Variants in STAC observed in about 807,000 individuals in gnomAD.
The protein encoded by STAC is SH3 and cysteine-rich domain-containing protein.
A neutral mutation model predicts 48.8 loss-of-function variants in STAC; 43 were observed. The ratio of observed to expected loss-of-function variants is 0.88; its 90% CI spans 0.69 to 1.14. The LOEUF (loss-of-function observed/expected upper bound fraction) is 1.14. Ranked by LOEUF, STAC falls within the 50% of genes most tolerant of loss-of-function variation. STAC has a pLI of 0.00. For synonymous variants in STAC, 193 were observed against 179.5 expected (o/e 1.07, Z -0.60); for missense variants, 497 against 504.0 (o/e 0.99, Z 0.13).
intron 1 of STAC, among the ~76,000 whole-genome samples, chr3:36,387,504 C>T (rs983262960): frequency 3.3e-5 from 5 of 152,078 alleles, no homozygotes; most frequent in Non-Finnish European, 7.4e-5. Context: ...CTTCTTTCCC[C>T]AGTCTCTGGC....
intron 1 of STAC, among the ~76,000 whole-genome samples, chr3:36,414,560 C>G (rs1050480508): frequency 3.3e-5 from 5 of 152,130 alleles, no homozygotes; most frequent in Non-Finnish European, 5.9e-5. Context: ...ATTGGTTATT[C>G]TAGTTAGCCA....
Position 36,380,611 on chromosome 3 carries a change from C to T in STAC, c.-33C>T, listed in dbSNP as rs554616981. The T allele has an allele frequency of 2.0e-6, 3 of 1,512,598 alleles. No homozygotes were observed. The highest frequency in any genetic ancestry group is 1.4e-5 in the African/African-American group (1 of 72,440). 93.7% of individuals were successfully genotyped at this position (1,512,598 alleles called of 1,614,324 possible). A position where few individuals can be genotyped will look rare whatever the true frequency, so the allele number is the denominator to read the frequency against. The stretch of plus-strand genomic sequence containing the variant: ...GCAGGACAGAAGCCTCGCTGTTCCT[C>T]CGGGAGCCCAACACCGTTCCCGCGC... On this transcript the variant is annotated 5_prime_UTR_variant, in exon 1 of 11. Transcript: ENST00000273183.
intron 1 of STAC, among the ~76,000 whole-genome samples, chr3:36,398,597 GAAGA>G (rs748719249): frequency 0.013 from 1,035 of 79,536 alleles, 85 homozygotes; most frequent in African/African-American, 0.063. Flanking sequence ...AGGAAGGAAG[GAAGA>G]AAGGAAGGAG....
intron 2 of STAC, among the ~76,000 whole-genome samples, chr3:36,473,208 T>A (rs1291288048): frequency 6.6e-6 from 1 of 152,120 alleles, no homozygotes; most frequent in Non-Finnish European, 1.5e-5. Context: ...AAAGACCGGC[T>A]GCATGATTCA....
intron 6 of STAC, among the ~76,000 whole-genome samples, chr3:36,500,996 G>A (rs1452847368): frequency 1.3e-5 from 2 of 152,108 alleles, no homozygotes; most frequent in African/African-American, 2.4e-5. Flanking sequence ...GGAAGCTTAG[G>A]GGGAAGGATC....
chr3:36,431,660 C>T (rs1700707861), intron 1 of STAC, among the ~76,000 whole-genome samples: 1 of 152,176 alleles, frequency 6.6e-6, no homozygotes, highest in Admixed American at 6.5e-5. Flanking sequence ...ACTAAATTTA[C>T]TGAAGAATTT....
chr3:36,468,713 A>T (rs909014052), intron 2 of STAC, among the ~76,000 whole-genome samples: 10 of 147,106 alleles, frequency 6.8e-5, no homozygotes, highest in Admixed American at 6.8e-5. Flanking sequence ...TATATATATA[A>T]AATACATATA....
chr3:36,502,161 G>T (rs1698296154), intron 6 of STAC, among the ~76,000 whole-genome samples: 2 of 152,054 alleles, frequency 1.3e-5, no homozygotes, highest in South Asian at 4.2e-4. Context: ...TGGGGATGTG[G>T]TAAGAACTAA....
chr3:36,454,561 T>C (rs879419983), intron 2 of STAC, among the ~76,000 whole-genome samples: 1 of 152,168 alleles, frequency 6.6e-6, no homozygotes, highest in Non-Finnish European at 1.5e-5. Context: ...ACATATATGC[T>C]AATCTTAGAA....
rs1353525714 is a variant in STAC, at chr3:36,536,050, C to T, written c.1110+7065C>T. 2.0e-5 allele frequency among the ~76,000 whole-genome samples: 3 copies of T among 152,088 alleles called. No individual in the cohort carries two copies. The East Asian group carries it at 5.8e-4, about 29-fold the overall frequency. ...ATAGTTTCAGAAGAAATGGTACCAG[C>T]TCCTTTTTGTACCTCTGGTAGAATT... On this transcript the variant is annotated intron_variant, in intron 10 of 10. Coordinates refer to ENST00000273183, the MANE Select transcript of STAC (RefSeq NM_003149.3).
At chr3:36,537,914 C>A (rs1699236458) in intron 10 of STAC, among the ~76,000 whole-genome samples, 1 of 151,208 alleles carries the variant, frequency 6.6e-6, no homozygotes, top group African/African-American at 2.4e-5. Flanking sequence ...ACCTATAGAA[C>A]CATTTTCATT....
intron 1 of STAC, among the ~76,000 whole-genome samples, chr3:36,408,693 T>A (rs1700132803): frequency 6.6e-6 from 1 of 152,178 alleles, no homozygotes; most frequent in South Asian, 2.1e-4. Context: ...GCAGCCATTG[T>A]TTGACCATGA....
intron 6 of STAC, among the ~76,000 whole-genome samples, chr3:36,494,648 C>A (rs553654529): frequency 6.6e-6 from 1 of 152,210 alleles, no homozygotes; most frequent in African/African-American, 2.4e-5. Context: ...ACCATGCCCC[C>A]CCTTGCCAGA....
intron 1 of STAC, among the ~76,000 whole-genome samples, chr3:36,397,833 C>T (rs1232070937): frequency 6.6e-6 from 1 of 151,648 alleles, no homozygotes; most frequent in Non-Finnish European, 1.5e-5. Flanking sequence ...TTTCTTTGTT[C>T]GTTCTTGTGG....
intron 2 of STAC, among the ~76,000 whole-genome samples, chr3:36,467,988 A>G (rs967378420): frequency 1.3e-5 from 2 of 152,016 alleles, no homozygotes; most frequent in Non-Finnish European, 2.9e-5. Context: ...TTTAAATGCT[A>G]TGAACTTTCC....
At chr3:36,515,173 A>G (rs1430621104) in intron 8 of STAC, among the ~76,000 whole-genome samples, 3 of 152,086 alleles carry the variant, frequency 2.0e-5, no homozygotes, top group Non-Finnish European at 4.4e-5. Context: ...GTTATTCATC[A>G]AGAAGAAATT....
Position 36,443,357 on chromosome 3 carries a change from A to C in STAC, c.112-7A>C. The C allele has an allele frequency of 6.2e-7, 1 of 1,614,100 alleles. No homozygotes were observed. Among genetic ancestry groups the C allele is most frequent in the Non-Finnish European group, 8.5e-7 (1 of 1,180,004 alleles). On this transcript the variant is annotated splice_polypyrimidine_tract_variant and splice_region_variant and intron_variant, in intron 1 of 10. Transcript: ENST00000273183. The surrounding 1 kb of genome is among the most constrained non-coding windows in gnomAD (Gnocchi z 4.2). ...GTAAGAGAGACTGTTCTGTCATTGC[A>C]TTGCAGCTCCAGAAACTAAAACGAT...
At chr3:36,406,121 T>A (rs2125630912) in intron 1 of STAC, among the ~76,000 whole-genome samples, 1 of 152,278 alleles carries the variant, frequency 6.6e-6, no homozygotes, top group Non-Finnish European at 1.5e-5. Context: ...ACAACTTTGA[T>A]CAGGAAACCT....
intron 1 of STAC, among the ~76,000 whole-genome samples, chr3:36,413,622 T>G (rs1700247028): frequency 6.6e-6 from 1 of 152,100 alleles, no homozygotes; most frequent in Non-Finnish European, 1.5e-5. Context: ...TCTTGACTCT[T>G]TATCCAATTT....
Sources: gnomAD v4.1 joint callset for allele counts (sites outside exome capture counted in the v4.1 genomes callset) on GRCh38, gnomAD v4.1.1 for gene constraint, Gnocchi (gnomAD v3.1) non-coding constraint, MANE v1.5 for transcripts, NCBI Gene and HGNC (gene_info 2026-07-23, HGNC 2026-07-21) for gene names.